Variants in CERT1 observed in about 807,000 individuals in gnomAD.
The protein encoded by CERT1 is ceramide transporter 1, also known as ceramide transfer protein.
CERT1 carries 31 observed loss-of-function variants against 87.9 expected under a neutral mutation model. The observed-to-expected ratio is 0.35, with a 90% CI of 0.27 to 0.48. The LOEUF (loss-of-function observed/expected upper bound fraction) is 0.48, where lower values mean the gene tolerates loss of function less well. CERT1 is among the 20% of genes least tolerant of loss of function. The pLI is 0.99. For missense variants in CERT1, 487 were observed against 758.0 expected (o/e 0.64, Z 4.20); for synonymous variants, 289 against 250.9 (o/e 1.15, Z -1.44).
At chr5:75,440,635 A>T (rs1002154431) in intron 3 of CERT1, among the ~76,000 whole-genome samples, 3 of 152,144 alleles carry the variant, frequency 2.0e-5, no homozygotes, top group Admixed American at 2.0e-4. Context: ...TGAAGCTGGA[A>T]AAATTAACCA....
chr5:75,373,134 CAA>C (rs1342008139), downstream of CERT1: 2 of 152,188 alleles, frequency 1.3e-5, no homozygotes, highest in African/African-American at 4.8e-5. Context: ...GATCAAAAGG[CAA>C]AGAGAGGCAT....
At chr5:75,489,536 T>TA (rs758828877) in intron 2 of CERT1, among the ~76,000 whole-genome samples, 1 of 151,968 alleles carries the variant, frequency 6.6e-6, no homozygotes, top group East Asian at 1.9e-4. Flanking sequence ...ACAAGGAACT[T>TA]AAACAGATTT....
intron 17 of CERT1, chr5:75,371,030 A>G (rs2111939955): frequency 6.6e-6 from 1 of 152,140 alleles, no homozygotes; most frequent in Non-Finnish European, 1.5e-5. Flanking sequence ...CGGGAAGAAC[A>G]CTGAATTTCA....
rs1357337759 is a variant in CERT1 at position 75,378,555 on chromosome 5, G to A, written c.*791C>T. On this transcript the variant is annotated 3_prime_UTR_variant, in exon 17 of 17. Transcript: ENST00000643780. ...AGTTAATAAATTCTGCAACATGCAT[G>A]TAACAGATGTTAAAAGAATGAGATG... The A allele has an allele frequency of 6.6e-6, 1 of 152,170 alleles. No individual in the cohort carries two copies. Among genetic ancestry groups the A allele is most frequent in the Non-Finnish European group, 1.5e-5 (1 of 68,048 alleles). 9.4% of individuals were successfully genotyped at this position (152,170 alleles called of 1,614,324 possible).
intron 3 of CERT1, among the ~76,000 whole-genome samples, chr5:75,437,550 G>C (rs1291782762): frequency 6.6e-6 from 1 of 152,154 alleles, no homozygotes; most frequent in Non-Finnish European, 1.5e-5. Context: ...TGGATTACTT[G>C]AGGTCAGGAG....
At chr5:75,488,483 T>C (rs1766629653) in intron 2 of CERT1, among the ~76,000 whole-genome samples, 1 of 152,288 alleles carries the variant, frequency 6.6e-6, no homozygotes, top group East Asian at 1.9e-4. Flanking sequence ...TAAAAACTAA[T>C]AAATTATTTG....
rs922124831 is a variant in CERT1 at position 75,380,937 on chromosome 5, A to T, written c.1747+135T>A. The T allele has an allele frequency of 1.2e-5, 11 of 892,174 alleles. No homozygotes were observed. In the African/African-American group the frequency reaches 1.7e-4, roughly 14 times the overall value. 55.3% of individuals were successfully genotyped at this position (892,174 alleles called of 1,614,324 possible). ...TTTCAAAGATTCTCTAGTAATTCTG[A>T]TATACCTTTCTCCAAATTAAAAATT... On this transcript the variant is annotated intron_variant, in intron 16 of 16. Coordinates refer to ENST00000643780, the MANE Select transcript of CERT1 (RefSeq NM_001379029.1).
At chr5:75,476,624 T>G (rs931821408) in intron 2 of CERT1, among the ~76,000 whole-genome samples, 7 of 152,180 alleles carry the variant, frequency 4.6e-5, no homozygotes, top group African/African-American at 1.7e-4. Context: ...CACACATGCT[T>G]CTCATTCTAT....
chr5:75,437,332 A>C (rs1471742079), intron 3 of CERT1, among the ~76,000 whole-genome samples: 1 of 152,224 alleles, frequency 6.6e-6, no homozygotes, highest in Non-Finnish European at 1.5e-5. Flanking sequence ...ACTCCATTTC[A>C]GCAAAATCGA....
intron 2 of CERT1, among the ~76,000 whole-genome samples, chr5:75,492,149 G>A (rs892255708): frequency 1.3e-5 from 2 of 152,040 alleles, no homozygotes; most frequent in African/African-American, 4.8e-5. Context: ...TTTGAAACCA[G>A]TCTGGGCAAC....
At chr5:75,406,585 G>A (rs776614658) in intron 8 of CERT1, among the ~76,000 whole-genome samples, 21 of 149,356 alleles carry the variant, frequency 1.4e-4, no homozygotes, top group Non-Finnish European at 3.0e-4. Context: ...TGGTTGCCCA[G>A]GCTGGAGTGC....
chr5:75,465,165 C>G (rs1314524302), intron 2 of CERT1, among the ~76,000 whole-genome samples: 2 of 152,160 alleles, frequency 1.3e-5, no homozygotes, highest in Admixed American at 1.3e-4. Flanking sequence ...AAGTTTTCAA[C>G]TTGCTTTCTA....
intron 2 of CERT1, among the ~76,000 whole-genome samples, chr5:75,461,838 C>T (rs543251786): frequency 3.1e-5 from 4 of 128,676 alleles, no homozygotes; most frequent in South Asian, 2.6e-4. Flanking sequence ...AAAAAAAAAA[C>T]GAGAGAAGAT....
chr5:75,459,080 G>A lies in CERT1; in HGVS notation c.333C>T (p.Ala111=), dbSNP rs61759488. The A allele has an allele frequency of 4.4e-6, 7 of 1,599,192 alleles. No homozygotes were observed. The highest frequency in any genetic ancestry group is 2.2e-5 in the East Asian group (1 of 44,792). Residue 111 remains alanine (A), a synonymous_variant, in exon 3 of 17, where the codon GCC becomes GCT. Coordinates refer to ENST00000643780, the MANE Select transcript of CERT1 (RefSeq NM_001379029.1). ...DPDHRQQWID[A]IEQHKTESGY... ...GGGATCTTACCTTGTGCTGTTCAAT[G>A]GCATCTATCCATTGCTGTCTATGAT... is the stretch of plus-strand genomic sequence containing the variant.
chr5:75,511,563 G>A lies in CERT1; in HGVS notation c.-356C>T, dbSNP rs190231600. ...GGAAAAGAAGGGAAGAGAAAATCCG[G>A]CCGCTGAGTCCCGCGTCCACTCACA... On this transcript the variant is annotated 5_prime_UTR_variant, in exon 1 of 17. Coordinates refer to ENST00000643780, the MANE Select transcript of CERT1 (RefSeq NM_001379029.1). 3,183 of 1,457,060 alleles carry A rather than the reference G, an allele frequency of 2.2e-3. 6 individuals are homozygous for A. The highest frequency in any genetic ancestry group is 2.5e-3 in the Non-Finnish European group (2,788 of 1,106,962). 90.3% of individuals were successfully genotyped at this position (1,457,060 alleles called of 1,614,324 possible). A position where few individuals can be genotyped will look rare whatever the true frequency, so the allele number is the denominator to read the frequency against.
At chr5:75,473,512 C>G (rs61175242) in intron 2 of CERT1, among the ~76,000 whole-genome samples, 1 of 152,054 alleles carries the variant, frequency 6.6e-6, no homozygotes, top group Non-Finnish European at 1.5e-5. Context: ...TATGTAGAAT[C>G]TTAAAAAAGT....
At chr5:75,410,288 G>T (rs552948507) in intron 8 of CERT1, among the ~76,000 whole-genome samples, 1 of 152,224 alleles carries the variant, frequency 6.6e-6, no homozygotes, top group East Asian at 1.9e-4. Flanking sequence ...AAGACAATTA[G>T]AACAGTTTTA....
At chr5:75,465,600 T>A (rs1418048238) in intron 2 of CERT1, among the ~76,000 whole-genome samples, 1 of 152,116 alleles carries the variant, frequency 6.6e-6, no homozygotes, top group East Asian at 1.9e-4. Context: ...AGAACTGAGA[T>A]CAGAAAATGG....
chr5:75,492,902 GGTTT>G (rs1322305678), intron 2 of CERT1, among the ~76,000 whole-genome samples: 1 of 152,108 alleles, frequency 6.6e-6, no homozygotes, highest in Admixed American at 6.5e-5. Context: ...TCATTTGAAG[GGTTT>G]GTTAAAGAAA....
Sources: gnomAD v4.1 joint callset for allele counts (sites outside exome capture counted in the v4.1 genomes callset) on GRCh38, gnomAD v4.1.1 for gene constraint, MANE v1.5 for transcripts, NCBI Gene and HGNC (gene_info 2026-07-23, HGNC 2026-07-21) for gene names.